RAB14: variants seen among roughly 807,000 people sequenced by gnomAD.
RAB14 encodes ras-related protein Rab-14.
Under a neutral mutation model 31.1 loss-of-function variants are expected in RAB14, and 3 were observed. The observed-to-expected ratio is 0.10, with a 90% confidence interval of 0.04 to 0.25. RAB14 has a LOEUF of 0.25. Among genes scored for constraint, RAB14 ranks in the 10% least tolerant of loss-of-function variants. The probability of loss-of-function intolerance (pLI) is 1.00; values close to 1 mark genes in which losing one functional copy is unlikely to be tolerated. For synonymous variants in RAB14, 85 were observed against 84.9 expected, an observed-to-expected ratio of 1.00 and a Z score of 0.00; for missense variants, 111 against 260.1, an observed-to-expected ratio of 0.43 and a Z score of 3.94.
intron 2 of RAB14, 93 bp downstream of exon 2, chr9:121,193,268 A>G (rs1430269379): frequency 1.3e-6 from 1 of 779,262 alleles, no homozygotes; most frequent in Non-Finnish European, 2.0e-6. Context: ...AAAATCACTC[A>G]GTCCTGAAGT....
At chr9:121,187,490 A>G (rs2053664564) in intron 4 of RAB14, among the ~76,000 whole-genome samples, 1 of 152,102 alleles carries the variant, frequency 6.6e-6, no homozygotes, top group African/African-American at 2.4e-5. Context: ...TCACACTATT[A>G]TAAGCTGGCA....
chr9:121,184,235 T>C (rs2053648132), intron 5 of RAB14, among the ~76,000 whole-genome samples: 1 of 152,140 alleles, frequency 6.6e-6, no homozygotes, highest in Non-Finnish European at 1.5e-5. Context: ...AAGGGGCAGC[T>C]GGGAGTAGGG....
intron 5 of RAB14, 52 bp downstream of exon 5, chr9:121,186,901 G>T: frequency 1.5e-6 from 2 of 1,296,844 alleles, no homozygotes; most frequent in South Asian, 1.7e-5. Context: ...TTCCCTTTTT[G>T]GGTTAGCTTA....
chr9:121,185,867 A>G (rs1240657853), intron 5 of RAB14, among the ~76,000 whole-genome samples: 1 of 152,160 alleles, frequency 6.6e-6, no homozygotes, highest in Non-Finnish European at 1.5e-5. Context: ...TAAAGCTGCT[A>G]TGAACACCCA....
In RAB14 at chr9:121,190,559, G is replaced by A. The variant is rs1419391385; in HGVS notation, c.279C>T (p.Ile93=). 1.9e-6 allele frequency: 3 copies of A among 1,597,398 alleles called. No homozygotes were observed. The highest frequency in any genetic ancestry group is 1.3e-5 in the African/African-American group (1 of 74,164). ...GTTGAAAAATTATCTCTTACCTAGTGATATCATAGACCATAAGAGCTCCCG... is the reference window on the plus strand; with the variant it reads ...GTTGAAAAATTATCTCTTACCTAGTAATATCATAGACCATAAGAGCTCCCG... ...GAAGALMVYD[I]TRRSTYNHLS... The change falls in exon 4 of 8, where the codon ATC becomes ATT. Residue 93 remains isoleucine, a synonymous_variant. Transcript: ENST00000373840.
At chr9:121,194,223 T>C (rs954529312) in intron 1 of RAB14, among the ~76,000 whole-genome samples, 1 of 152,052 alleles carries the variant, frequency 6.6e-6, no homozygotes, top group African/African-American at 2.4e-5. Context: ...ATTACAGGCA[T>C]GAGCCACTGT....
At chr9:121,190,846 T>C (rs2053682559) in intron 3 of RAB14, 115 bp from the exon 4 acceptor site, 4 of 987,802 alleles carry the variant, frequency 4.0e-6, no homozygotes, top group Non-Finnish European at 5.8e-6. Flanking sequence ...AGGCTATAAA[T>C]AGACTAAAGC....
chr9:121,188,730 C>T (rs891503152), intron 4 of RAB14, among the ~76,000 whole-genome samples: 1 of 151,972 alleles, frequency 6.6e-6, no homozygotes, highest in African/African-American at 2.4e-5. Flanking sequence ...ACTGCAACAC[C>T]AAAGTCACTA....
intron 5 of RAB14, among the ~76,000 whole-genome samples, chr9:121,185,821 G>C (rs556335936): frequency 2.6e-5 from 4 of 152,212 alleles, no homozygotes; most frequent in African/African-American, 9.6e-5. Context: ...GCCAGGTTGG[G>C]AAACACCTAG....
chr9:121,178,946 A>G lies in RAB14; in HGVS notation c.*2450T>C, dbSNP rs990959812. On this transcript the variant is annotated 3_prime_UTR_variant, in exon 8 of 8. Coordinates refer to ENST00000373840, the MANE Select transcript of RAB14 (RefSeq NM_016322.4). ...GCCCGGTGTCTGGCACACGCATGTT[A>G]CAATATGACAATCTGCTCTATTTGT... is the stretch of plus-strand genomic sequence containing the variant. 6.6e-6 allele frequency: 1 copy of G among 152,250 alleles called. No individual in the cohort carries two copies. The highest frequency in any genetic ancestry group is 6.5e-5 in the Admixed American group (1 of 15,288). The allele number at this position is 152,250 out of a possible 1,614,324, so 9.4% of individuals were successfully genotyped here.
rs1170004845 is a variant in RAB14, at chr9:121,194,090, TCACTCACA to T, written c.-7-679_-7-672del. ...AACCTAATACAGGACTTGCAGATTA[TCACTCACA>T]CACACACACACACACACACACACAC... On this transcript the variant is annotated intron_variant, in intron 1 of 7. Coordinates refer to ENST00000373840, the MANE Select transcript of RAB14 (RefSeq NM_016322.4). Among the ~76,000 whole-genome samples, 192 of 141,402 alleles carry T rather than the reference TCACTCACA, an allele frequency of 1.4e-3. 1 individual carries two copies. The highest frequency in any genetic ancestry group is 4.6e-3 in the African/African-American group (161 of 34,748). The allele number at this position is 141,402 out of a possible 152,430, so 92.8% of individuals were successfully genotyped here. A position where few individuals can be genotyped will look rare whatever the true frequency, so the allele number is the denominator to read the frequency against.
chr9:121,181,744 C>CT (rs3838268), intron 7 of RAB14, among the ~76,000 whole-genome samples, 171 bp from the exon 8 acceptor site: 10,898 of 102,400 alleles, frequency 0.11, 1,187 homozygotes, highest in Middle Eastern at 0.15. Context: ...AACTATTTTC[C>CT]TTTTTTTTTT....
chr9:121,198,375 T>C (rs1438258830), intron 1 of RAB14, among the ~76,000 whole-genome samples: 2 of 152,158 alleles, frequency 1.3e-5, no homozygotes, highest in Non-Finnish European at 2.9e-5. Context: ...CAACACTCAA[T>C]AGTAGAGGGC....
At chr9:121,201,222 A>G (rs1490031316) in intron 1 of RAB14, among the ~76,000 whole-genome samples, 5 of 152,162 alleles carry the variant, frequency 3.3e-5, no homozygotes, top group Non-Finnish European at 7.4e-5. Flanking sequence ...TGCGGGCTGC[A>G]GGGCGGCGCG....
chr9:121,182,845 T>C, intron 7 of RAB14, 85 bp downstream of exon 7: 1 of 1,141,258 alleles, frequency 8.8e-7, no homozygotes, highest in African/African-American at 1.6e-5. Context: ...TATATGTGTA[T>C]ATACATTATA....
At chr9:121,196,421 T>C (rs1448901933) in intron 1 of RAB14, among the ~76,000 whole-genome samples, 1 of 152,232 alleles carries the variant, frequency 6.6e-6, no homozygotes. Flanking sequence ...TATTGGGTAC[T>C]TGACATATGC....
intron 5 of RAB14, among the ~76,000 whole-genome samples, chr9:121,183,824 A>G (rs1468567264): frequency 2.6e-5 from 4 of 152,214 alleles, no homozygotes; most frequent in African/African-American, 9.6e-5. Context: ...TCTAGTCCAA[A>G]GATTACGATA....
intron 3 of RAB14, 59 bp from the exon 4 acceptor site, chr9:121,190,790 G>T: frequency 6.5e-7 from 1 of 1,540,286 alleles, no homozygotes; most frequent in Non-Finnish European, 8.9e-7. Context: ...ATTAAGCCTA[G>T]AGGGGGAAAA....
intron 5 of RAB14, among the ~76,000 whole-genome samples, chr9:121,184,770 C>T (rs1260635408): frequency 6.6e-6 from 1 of 152,104 alleles, no homozygotes; most frequent in Non-Finnish European, 1.5e-5. Flanking sequence ...GGGGAAGAAA[C>T]TTTCATATAC....
Sources: gnomAD v4.1 joint callset for allele counts (sites outside exome capture counted in the v4.1 genomes callset) on GRCh38, gnomAD v4.1.1 for gene constraint, MANE v1.5 for transcripts, NCBI Gene and HGNC (gene_info 2026-07-23, HGNC 2026-07-21) for gene names.